ITSN1: variants seen among roughly 807,000 people sequenced by gnomAD.
The protein encoded by ITSN1 is intersectin-1.
ITSN1 carries 58 observed loss-of-function variants against 239.8 expected under a neutral mutation model. That is an observed-to-expected ratio of 0.24 (90% CI 0.20 to 0.30). ITSN1 has a LOEUF of 0.30. Among genes scored for constraint, ITSN1 ranks in the 10% least tolerant of loss-of-function variants. ITSN1 has a pLI of 1.00. For missense variants in ITSN1, 1,558 were observed against 2,103.3 expected (o/e 0.74, Z 5.07); for synonymous variants, 780 against 770.8 (o/e 1.01, Z -0.20).
At chr21:33,704,650 A>G (rs1340603010) in intron 1 of ITSN1, among the ~76,000 whole-genome samples, 7 of 152,150 alleles carry the variant, frequency 4.6e-5, no homozygotes, top group East Asian at 1.9e-4. Flanking sequence ...ATTATAAGCT[A>G]TTACTATTAA....
chr21:33,734,094 C>G (rs1466297845), intron 4 of ITSN1, among the ~76,000 whole-genome samples: 1 of 152,078 alleles, frequency 6.6e-6, no homozygotes. Context: ...CTTTCAAATA[C>G]ATTTTTCATA....
At chr21:33,744,888 G>C in intron 5 of ITSN1, among the ~76,000 whole-genome samples, 1 of 152,076 alleles carries the variant, frequency 6.6e-6, no homozygotes, top group Middle Eastern at 3.2e-3. Flanking sequence ...TAAGAAACCA[G>C]TTCATTACCT....
chr21:33,719,395 C>G (rs193253062), intron 2 of ITSN1, among the ~76,000 whole-genome samples: 1 of 152,260 alleles, frequency 6.6e-6, no homozygotes, highest in East Asian at 1.9e-4. Flanking sequence ...GAGCCGAGGT[C>G]GCACCACTGC....
chr21:33,851,139 G>A (rs758891945), intron 29 of ITSN1, among the ~76,000 whole-genome samples: 7 of 152,078 alleles, frequency 4.6e-5, no homozygotes, highest in Non-Finnish European at 1.0e-4. Context: ...CACAATCCCC[G>A]TCACCCTGTC....
intron 29 of ITSN1, among the ~76,000 whole-genome samples, chr21:33,849,105 G>T (rs1204147455): frequency 6.6e-6 from 1 of 152,076 alleles, no homozygotes; most frequent in Non-Finnish European, 1.5e-5. Flanking sequence ...GCTGGGCGTG[G>T]TGGCATGTGC....
intron 25 of ITSN1, among the ~76,000 whole-genome samples, chr21:33,826,331 T>C (rs1019788854): frequency 1.3e-5 from 2 of 152,200 alleles, no homozygotes; most frequent in Non-Finnish European, 2.9e-5. Context: ...GTTAGTTTTT[T>C]AAAAAAGAAA....
chr21:33,891,093 G>T lies in ITSN1; in HGVS notation c.*2793G>T, dbSNP rs1986332758. ...GGTCCCTCTGGGGCAGGGCCTGTCT[G>T]GCTGCTGGCATCACCCTGGCAGGTG... On this transcript the variant is annotated 3_prime_UTR_variant, in exon 40 of 40. Transcript: ENST00000381318. The T allele has an allele frequency of 6.6e-6, 1 of 152,354 alleles. No homozygotes were observed. 9.4% of individuals were successfully genotyped at this position (152,354 alleles called of 1,614,324 possible).
intron 1 of ITSN1, among the ~76,000 whole-genome samples, chr21:33,647,443 A>G (rs1207350842): frequency 6.6e-6 from 1 of 152,074 alleles, no homozygotes; most frequent in African/African-American, 2.4e-5. Flanking sequence ...TTGCATTATA[A>G]CAATTTTAGT....
chr21:33,899,785 C>CA lies in ITSN1; in HGVS notation c.*11491dup, dbSNP rs879161558. 5 of 150,344 alleles carry CA rather than the reference C, an allele frequency of 3.3e-5. No individual in the cohort carries two copies. The highest frequency in any genetic ancestry group is 2.2e-4 in the South Asian group (1 of 4,454). 9.3% of individuals were successfully genotyped at this position (150,344 alleles called of 1,614,324 possible). A position where few individuals can be genotyped will look rare whatever the true frequency, so the allele number is the denominator to read the frequency against. On this transcript the variant is annotated 3_prime_UTR_variant, in exon 40 of 40. Coordinates refer to ENST00000381318, the MANE Select transcript of ITSN1 (RefSeq NM_003024.3). ...ATCTCTTCAAAAACAAAAACAAAAA[C>CA]AAAAAACAACTCTTTGGTCATTTTG...
At chr21:33,804,801 T>G (rs898416652) in intron 20 of ITSN1, among the ~76,000 whole-genome samples, 1 of 152,188 alleles carries the variant, frequency 6.6e-6, no homozygotes, top group Non-Finnish European at 1.5e-5. Context: ...ATTGCAAGAA[T>G]TGTCTTAGGC....
chr21:33,673,623 G>A (rs1294117804), intron 1 of ITSN1, among the ~76,000 whole-genome samples: 2 of 151,172 alleles, frequency 1.3e-5, no homozygotes, highest in Non-Finnish European at 2.9e-5. Context: ...ACGTATTAGA[G>A]AAACTGTGTC....
chr21:33,752,477 T>A (rs1219279295), intron 7 of ITSN1, among the ~76,000 whole-genome samples: 1 of 152,236 alleles, frequency 6.6e-6, no homozygotes, highest in Non-Finnish European at 1.5e-5. Flanking sequence ...TTATTGCTTA[T>A]GTTTTGGCCA....
chr21:33,691,075 C>T (rs2091525656), intron 1 of ITSN1, among the ~76,000 whole-genome samples: 3 of 151,716 alleles, frequency 2.0e-5, no homozygotes, highest in African/African-American at 7.3e-5. Context: ...TTTCTCTTCT[C>T]TGCTTCCTTT....
chr21:33,843,615 C>G (rs2074899567), intron 29 of ITSN1, among the ~76,000 whole-genome samples: 1 of 152,218 alleles, frequency 6.6e-6, no homozygotes, highest in African/African-American at 2.4e-5. Flanking sequence ...CTCCATTTCT[C>G]TCATCATTTT....
chr21:33,714,239 G>T (rs1332779757), intron 1 of ITSN1, among the ~76,000 whole-genome samples: 6 of 152,182 alleles, frequency 3.9e-5, no homozygotes, highest in Non-Finnish European at 7.4e-5. Flanking sequence ...TAGATTCCTT[G>T]TTCACATCCA....
intron 29 of ITSN1, chr21:33,837,394 GC>G (rs2074658919): frequency 1.0e-6 from 1 of 989,978 alleles, no homozygotes; most frequent in Non-Finnish European, 1.2e-6. Flanking sequence ...TTTTGGTTTT[GC>G]AAAAAGACCC....
intron 26 of ITSN1, among the ~76,000 whole-genome samples, chr21:33,827,635 G>A (rs903757439): frequency 6.6e-6 from 1 of 152,064 alleles, no homozygotes; most frequent in African/African-American, 2.4e-5. Flanking sequence ...GTTTTCCTCG[G>A]TACACATTGA....
intron 1 of ITSN1, among the ~76,000 whole-genome samples, 176 bp downstream of exon 1, chr21:33,642,889 C>G (rs1330539617): frequency 6.6e-6 from 1 of 151,460 alleles, no homozygotes; most frequent in African/African-American, 2.4e-5. Context: ...GCGGCTGCCC[C>G]TCTGCCTTGT....
At chr21:33,803,965 A>G (rs1318668704) in intron 20 of ITSN1, among the ~76,000 whole-genome samples, 1 of 152,222 alleles carries the variant, frequency 6.6e-6, no homozygotes, top group Non-Finnish European at 1.5e-5. Context: ...CTTTGTGAGG[A>G]TAACAGTCAA....
Sources: allele counts gnomAD v4.1 joint callset (sites outside exome capture counted in the v4.1 genomes callset), GRCh38; gene constraint gnomAD v4.1.1; transcripts MANE v1.5; gene names NCBI Gene and HGNC (gene_info 2026-07-23, HGNC 2026-07-21).